The following ADAM19 variants were observed in gnomAD, a reference collection of about 807,000 sequenced individuals.
ADAM19 encodes ADAM metallopeptidase domain 19, also known as disintegrin and metalloproteinase domain-containing protein 19.
Under a neutral mutation model 114.7 loss-of-function variants are expected in ADAM19, and 65 were observed. The observed-to-expected ratio is 0.57, with a 90% confidence interval of 0.46 to 0.70. ADAM19 has a LOEUF of 0.70. Among genes scored for constraint, ADAM19 ranks in the 30% least tolerant of loss-of-function variants. The probability of loss-of-function intolerance (pLI) is 0.00; values close to 1 mark genes in which losing one functional copy is unlikely to be tolerated. For missense variants in ADAM19, 1,063 were observed against 1,204.7 expected (o/e 0.88, Z 1.74); for synonymous variants, 466 against 460.5 (o/e 1.01, Z -0.15).
At chr5:157,536,219 G>A in intron 4 of ADAM19, among the ~76,000 whole-genome samples, 1 of 152,178 alleles carries the variant, frequency 6.6e-6, no homozygotes, top group East Asian at 1.9e-4. Context: ...AAAAACTGTG[G>A]CCGGGCACAG....
intron 14 of ADAM19, among the ~76,000 whole-genome samples, chr5:157,495,341 T>C (rs1052197498): frequency 6.6e-6 from 1 of 152,094 alleles, no homozygotes; most frequent in Admixed American, 6.6e-5. Context: ...AGGATTTATA[T>C]TTGTGTGTGG....
chr5:157,528,882 C>A (rs1013248523), intron 5 of ADAM19, among the ~76,000 whole-genome samples: 2 of 152,174 alleles, frequency 1.3e-5, no homozygotes, highest in African/African-American at 4.8e-5. Flanking sequence ...TTTCCCTCCA[C>A]CTGTGTAGGG....
intron 3 of ADAM19, among the ~76,000 whole-genome samples, chr5:157,538,338 A>G (rs933518724): frequency 6.6e-6 from 1 of 152,216 alleles, no homozygotes; most frequent in African/African-American, 2.4e-5. Flanking sequence ...CCTGTTGTGT[A>G]CCGTGGTTGA....
chr5:157,525,896 G>A lies in ADAM19; in HGVS notation c.407+4911C>T, dbSNP rs566295935. Among the ~76,000 whole-genome samples the A allele has an allele frequency of 1.4e-4, 21 of 152,246 alleles. No homozygotes were observed. The South Asian group carries it at 3.7e-3, about 27-fold the overall frequency. On this transcript the variant is annotated intron_variant, in intron 5 of 22. Coordinates refer to ENST00000257527, the MANE Select transcript of ADAM19 (RefSeq NM_033274.5). ...CGGTTAAGGTGTAATTACAGTGAGA[G>A]TGAGCCCTATGTTTTCGAAGGCAGG...
chr5:157,498,519 G>A (rs80181241), intron 13 of ADAM19, among the ~76,000 whole-genome samples: 3,034 of 152,230 alleles, frequency 0.02, 103 homozygotes, highest in African/African-American at 0.069. Flanking sequence ...ATGGTATCTG[G>A]CCCCTAACGA....
At position 157,480,118 on chromosome 5, in the gene ADAM19, C is replaced by CA; in HGVS notation, c.*830dup. 3 of 985,946 alleles carry CA rather than the reference C, an allele frequency of 3.0e-6. No homozygotes were observed. The highest frequency in any genetic ancestry group is 3.6e-6 in the Non-Finnish European group (3 of 830,006). The allele number at this position is 985,946 out of a possible 1,614,324, so 61.1% of individuals were successfully genotyped here. On this transcript the variant is annotated 3_prime_UTR_variant, in exon 23 of 23. Transcript: ENST00000257527. Reference sequence around the variant, plus strand: ...TGAGGGTTTGCTCACCAAAGCACCACACATTAGAGGGAGAATGAGAGGGGA... The same window carrying CA: ...TGAGGGTTTGCTCACCAAAGCACCACAACATTAGAGGGAGAATGAGAGGGGA...
chr5:157,571,569 C>T lies in ADAM19; in HGVS notation c.95-589G>A, dbSNP rs73814830. 1.9e-3 allele frequency among the ~76,000 whole-genome samples: 287 copies of T among 152,186 alleles called. 3 individuals are homozygous for T. The highest frequency in any genetic ancestry group is 6.6e-3 in the African/African-American group (272 of 41,508). Reference sequence around the variant, plus strand: ...GTGTCTGGATTTTCTTATAAATAGACTTGGAAGGCACTGGGTGTTTTAAAT... The same window carrying T: ...GTGTCTGGATTTTCTTATAAATAGATTTGGAAGGCACTGGGTGTTTTAAAT... On this transcript the variant is annotated intron_variant, in intron 1 of 22. Coordinates refer to ENST00000257527, the MANE Select transcript of ADAM19 (RefSeq NM_033274.5).
intron 4 of ADAM19, among the ~76,000 whole-genome samples, chr5:157,532,259 T>C (rs1307282051): frequency 1.3e-5 from 2 of 151,914 alleles, no homozygotes; most frequent in South Asian, 4.1e-4. Context: ...GCAAACGGAG[T>C]CACAGCTTCA....
rs757017166 is a variant in ADAM19, at chr5:157,481,906, G to A, written c.2588C>T (p.Pro863Leu). Residue 863 changes from proline (P) to leucine (L), a missense_variant, in exon 22 of 23, where the codon CCG becomes CTG. Coordinates refer to ENST00000257527, the MANE Select transcript of ADAM19 (RefSeq NM_033274.5). Reference sequence around the variant, plus strand: ...CCTGCGGCCTGGCACTGGGTTTGCCGGGAGTGCCTTCTGGGGCGGCCGAGG... The same window carrying A: ...CCTGCGGCCTGGCACTGGGTTTGCCAGGAGTGCCTTCTGGGGCGGCCGAGG... Reference protein sequence around the residue: ...SRPRPPQKALPANPVPGRRSL... With the variant: ...SRPRPPQKALLANPVPGRRSL... 2.5e-5 allele frequency: 40 copies of A among 1,606,054 alleles called. No individual in the cohort carries two copies. Among genetic ancestry groups the A allele is most frequent in the Non-Finnish European group, 3.1e-5 (36 of 1,176,158 alleles).
chr5:157,499,024 T>C (rs1338603040), intron 13 of ADAM19, among the ~76,000 whole-genome samples: 1 of 152,138 alleles, frequency 6.6e-6, no homozygotes, highest in African/African-American at 2.4e-5. Context: ...ATCTCTCACA[T>C]CAATATTAGG....
At chr5:157,499,248 T>G (rs1233363001) in intron 13 of ADAM19, among the ~76,000 whole-genome samples, 1 of 151,986 alleles carries the variant, frequency 6.6e-6, no homozygotes, top group African/African-American at 2.4e-5. Flanking sequence ...TCCATTAATG[T>G]CAATACAAAT....
At chr5:157,547,995 A>G (rs893596942) in intron 3 of ADAM19, among the ~76,000 whole-genome samples, 1 of 151,798 alleles carries the variant, frequency 6.6e-6, no homozygotes, top group African/African-American at 2.4e-5. Context: ...TTCTCTCATC[A>G]TTTCCTTCCT....
chr5:157,575,604 T>C lies in ADAM19; in HGVS notation c.93A>G (p.Thr31=), dbSNP rs1352017105. The change falls in exon 1 of 23, where the codon ACA becomes ACG. Residue 31 remains threonine (T), a splice_region_variant and synonymous_variant. Transcript: ENST00000257527. ...ATCCCCCCGCGCCTGGCCACTTACTTGTCCATCCAGGCTCCCGCGCCGCCC... is the reference window on the plus strand; with the variant it reads ...ATCCCCCCGCGCCTGGCCACTTACTCGTCCATCCAGGCTCCCGCGCCGCCC... ...RPRAAREPGW[T]RGSEEGSPKL... is the part of the protein sequence containing the mutation. The C allele has an allele frequency of 6.8e-7, 1 of 1,464,042 alleles. No individual in the cohort carries two copies. Among genetic ancestry groups the C allele is most frequent in the Non-Finnish European group, 9.0e-7 (1 of 1,114,332 alleles). The allele number at this position is 1,464,042 out of a possible 1,614,324, so 90.7% of individuals were successfully genotyped here.
chr5:157,545,377 G>A (rs1364161634), intron 3 of ADAM19, among the ~76,000 whole-genome samples: 4 of 152,144 alleles, frequency 2.6e-5, no homozygotes, highest in Admixed American at 2.6e-4. Flanking sequence ...GCCCTTGCCT[G>A]GCCAAATGAA....
Position 157,540,186 on chromosome 5 carries a change from C to A in ADAM19, c.252-2195G>T, listed in dbSNP as rs755170561. Among the ~76,000 whole-genome samples the A allele has an allele frequency of 2.0e-5, 3 of 152,186 alleles. No homozygotes were observed. In the East Asian group the frequency reaches 5.8e-4, roughly 29 times the overall value. ...TAGTGATAATCATTATTGCTTTCAA[C>A]AGGGATTATGACAGAAGAACCCAGA... On this transcript the variant is annotated intron_variant, in intron 3 of 22. Transcript: ENST00000257527.
At chr5:157,566,749 A>G (rs1757674718) in intron 2 of ADAM19, 1 of 152,234 alleles carries the variant, frequency 6.6e-6, no homozygotes, top group South Asian at 2.1e-4. Context: ...GCAGTGGCAC[A>G]ATCACGGCTC....
At chr5:157,511,671 A>G (rs1755925721) in intron 8 of ADAM19, among the ~76,000 whole-genome samples, 1 of 152,224 alleles carries the variant, frequency 6.6e-6, no homozygotes, top group Non-Finnish European at 1.5e-5. Context: ...ACAGTTACAG[A>G]AAAACATTTT....
At position 157,491,658 on chromosome 5, in the gene ADAM19, C is replaced by T. The variant is rs763343405; in HGVS notation, c.2052G>A (p.Pro684=). The part of the protein sequence containing the change: ...PGWAPPFCNT[P]GHGGSIDSGP... ...CACTGTCGATACTGCCCCCGTGGCCCGGTGTGTTGCAGAAGGGCGGGGCCC... is the reference window on the plus strand; with the variant it reads ...CACTGTCGATACTGCCCCCGTGGCCTGGTGTGTTGCAGAAGGGCGGGGCCC... Residue 684 remains proline, a synonymous_variant, in exon 18 of 23, where the codon CCG becomes CCA. Coordinates refer to ENST00000257527, the MANE Select transcript of ADAM19 (RefSeq NM_033274.5). The T allele has an allele frequency of 6.4e-6, 10 of 1,565,932 alleles. No homozygotes were observed. Among genetic ancestry groups the T allele is most frequent in the African/African-American group, 2.7e-5 (2 of 73,752 alleles).
At chr5:157,546,122 C>T (rs556796358) in intron 3 of ADAM19, among the ~76,000 whole-genome samples, 11 of 152,358 alleles carry the variant, frequency 7.2e-5, no homozygotes, top group African/African-American at 2.4e-4. Flanking sequence ...TTGGCACCTG[C>T]AGCTCCCAAG....
Sources: gnomAD v4.1 joint callset for allele counts (sites outside exome capture counted in the v4.1 genomes callset) on GRCh38, gnomAD v4.1.1 for gene constraint, MANE v1.5 for transcripts, NCBI Gene and HGNC (gene_info 2026-07-23, HGNC 2026-07-21) for gene names.